Variants in CNTN4 observed in about 807,000 individuals in gnomAD.
CNTN4 encodes the protein contactin-4.
In CNTN4, 77 loss-of-function variants were observed where a neutral mutation model predicts 122.5. The ratio of observed to expected loss-of-function variants is 0.63; its 90% confidence interval spans 0.52 to 0.76. The LOEUF is 0.76. Ranked by LOEUF, CNTN4 falls within the 30% of genes least tolerant of loss-of-function variation. CNTN4 has a pLI of 0.00. For synonymous variants in CNTN4, 512 were observed against 447.0 expected (o/e 1.15, Z -1.83); for missense variants, 1,256 against 1,259.1 (o/e 1.00, Z 0.04).
intron 2 of CNTN4, among the ~76,000 whole-genome samples, chr3:2,189,316 CCT>C (rs1486415605): frequency 5.3e-5 from 8 of 152,110 alleles, no homozygotes; most frequent in African/African-American, 1.9e-4. Context: ...TTCACCGATG[CCT>C]GCCGCTAGAA....
chr3:2,324,288 ATG>A (rs2043374412), intron 2 of CNTN4, among the ~76,000 whole-genome samples: 8 of 5,704 alleles, frequency 1.4e-3, no homozygotes, highest in African/African-American at 2.0e-3. Flanking sequence ...AAATAACTGG[ATG>A]TGTCTGCAGC....
intron 3 of CNTN4, among the ~76,000 whole-genome samples, chr3:2,483,654 A>T (rs971440184): frequency 7.2e-5 from 11 of 152,098 alleles, no homozygotes; most frequent in African/African-American, 2.4e-4. Context: ...CATGATAGTG[A>T]GTGAGTTCTC....
At chr3:2,447,858 G>C (rs989484710) in intron 3 of CNTN4, among the ~76,000 whole-genome samples, 4 of 152,110 alleles carry the variant, frequency 2.6e-5, no homozygotes, top group African/African-American at 9.7e-5. Flanking sequence ...CAAGATTCCA[G>C]TTAAGTGTAG....
intron 13 of CNTN4, among the ~76,000 whole-genome samples, chr3:2,964,630 A>G (rs1692113593): frequency 6.6e-6 from 1 of 152,160 alleles, no homozygotes; most frequent in Admixed American, 6.6e-5. Context: ...CTGACCTCAA[A>G]CCAAACTTTA....
intron 13 of CNTN4, among the ~76,000 whole-genome samples, chr3:2,942,881 G>A (rs534621916): frequency 6.6e-6 from 1 of 152,120 alleles, no homozygotes; most frequent in Non-Finnish European, 1.5e-5. Context: ...CAAGGGACTA[G>A]GGTTTCAGGG....
chr3:2,342,841 A>G (rs11707760), intron 3 of CNTN4, among the ~76,000 whole-genome samples: 19,393 of 152,238 alleles, frequency 0.13, 1,535 homozygotes, highest in Non-Finnish European at 0.18. Flanking sequence ...ATGAGAATGG[A>G]CTAATATACA....
intron 3 of CNTN4, among the ~76,000 whole-genome samples, chr3:2,500,262 CTAG>C (rs1338838689): frequency 6.6e-6 from 1 of 151,918 alleles, no homozygotes; most frequent in East Asian, 1.9e-4. Context: ...TAATTGCAGC[CTAG>C]TATTTTAGAT....
chr3:2,181,899 A>AGG (rs2037033807), intron 2 of CNTN4, among the ~76,000 whole-genome samples: 1 of 152,120 alleles, frequency 6.6e-6, no homozygotes, highest in Non-Finnish European at 1.5e-5. Context: ...TAAGCAAATA[A>AGG]TATGACCCAA....
chr3:2,183,134 A>C (rs943978255), intron 2 of CNTN4, among the ~76,000 whole-genome samples: 1 of 152,190 alleles, frequency 6.6e-6, no homozygotes, highest in Admixed American at 6.6e-5. Flanking sequence ...AACAGAAAGC[A>C]GCTATAACAT....
intron 2 of CNTN4, among the ~76,000 whole-genome samples, chr3:2,186,867 T>A (rs948246078): frequency 1.3e-5 from 2 of 152,228 alleles, no homozygotes; most frequent in African/African-American, 4.8e-5. Flanking sequence ...TTTCTCCCAT[T>A]CTGTAGGTTG....
At chr3:3,023,763 C>G (rs777609838) in intron 14 of CNTN4, among the ~76,000 whole-genome samples, 6 of 152,154 alleles carry the variant, frequency 3.9e-5, no homozygotes, top group Non-Finnish European at 7.4e-5. Flanking sequence ...ACCATCTGCA[C>G]CCCATGGCAG....
rs191364958 is a variant in CNTN4 at position 2,530,033 on chromosome 3, A to G, written c.-88-41383A>G. Reference sequence around the variant, plus strand: ...ATTTCCCTCATGTGATGCTTGGGCTATATCATCACACTTCCTCCCTGGCAG... The same window carrying G: ...ATTTCCCTCATGTGATGCTTGGGCTGTATCATCACACTTCCTCCCTGGCAG... On this transcript the variant is annotated intron_variant, in intron 3 of 24. Transcript: ENST00000418658. 2.0e-4 allele frequency among the ~76,000 whole-genome samples: 30 copies of G among 152,242 alleles called. No individual in the cohort carries two copies. In the East Asian group the frequency reaches 5.4e-3, roughly 28 times the overall value.
chr3:2,432,995 GT>G, intron 3 of CNTN4, among the ~76,000 whole-genome samples: 1 of 151,768 alleles, frequency 6.6e-6, no homozygotes, highest in South Asian at 2.1e-4. Context: ...TTGTTTGTTT[GT>G]TTGTTTAGTT....
chr3:2,716,237 C>G lies in CNTN4; in HGVS notation c.56-19978C>G, dbSNP rs115231679. Among the ~76,000 whole-genome samples the G allele has an allele frequency of 4.7e-3, 722 of 152,032 alleles. 7 individuals carry two copies. The highest frequency in any genetic ancestry group is 0.017 in the African/African-American group (691 of 41,488). On this transcript the variant is annotated intron_variant, in intron 4 of 24. Transcript: ENST00000418658. ...AACATATACTTGTTTAAATTTAACT[C>G]AAAGATATAACTTCTATTAACATTT... is the stretch of plus-strand genomic sequence containing the variant.
rs73805502 is a variant in CNTN4, at chr3:3,008,465, A to T, written c.1487-17637A>T. Among the ~76,000 whole-genome samples the T allele has an allele frequency of 7.2e-3, 1,104 of 152,350 alleles. 14 individuals carry two copies. Among genetic ancestry groups the T allele is most frequent in the African/African-American group, 0.025 (1,059 of 41,582 alleles). ...TGAAAAAACTGTAAAGGTTGACAAC[A>T]TCCTCAACTCATTAAATATGATGGG... On this transcript the variant is annotated intron_variant, in intron 14 of 24. Coordinates refer to ENST00000418658, the MANE Select transcript of CNTN4 (RefSeq NM_175607.3).
At chr3:2,993,724 T>G (rs985558131) in intron 14 of CNTN4, among the ~76,000 whole-genome samples, 1 of 152,270 alleles carries the variant, frequency 6.6e-6, no homozygotes, top group African/African-American at 2.4e-5. Flanking sequence ...TGATAACTTT[T>G]TCTCTTCCTC....
chr3:2,111,311 G>A (rs769622518), intron 2 of CNTN4, among the ~76,000 whole-genome samples: 50 of 152,150 alleles, frequency 3.3e-4, no homozygotes, highest in Non-Finnish European at 6.0e-4. Flanking sequence ...AGTATGTGGT[G>A]TAAGTGAAAT....
chr3:2,746,408 T>C (rs766730134), intron 6 of CNTN4, among the ~76,000 whole-genome samples: 1 of 152,078 alleles, frequency 6.6e-6, no homozygotes, highest in Non-Finnish European at 1.5e-5. Flanking sequence ...CATGAATATA[T>C]GAAAGAAAGT....
chr3:2,709,319 T>C lies in CNTN4; in HGVS notation c.56-26896T>C, dbSNP rs2086960895. On this transcript the variant is annotated intron_variant, in intron 4 of 24. Transcript: ENST00000418658. The surrounding 1 kb of genome is among the most constrained non-coding windows in gnomAD (Gnocchi z 5.0). ...GTACAGTGTGATTCTCAACCTTGGC[T>C]GCATATTAGAATCATCTGGGGGTCC... 6.6e-6 allele frequency among the ~76,000 whole-genome samples: 1 copy of C among 152,190 alleles called. No individual in the cohort carries two copies. Among genetic ancestry groups the C allele is most frequent in the South Asian group, 2.1e-4 (1 of 4,832 alleles).
Sources: allele counts gnomAD v4.1 joint callset (sites outside exome capture counted in the v4.1 genomes callset), GRCh38; gene constraint gnomAD v4.1.1; non-coding constraint Gnocchi (gnomAD v3.1); transcripts MANE v1.5; gene names NCBI Gene and HGNC (gene_info 2026-07-23, HGNC 2026-07-21).